PCDHA11: variants seen among roughly 807,000 people sequenced by gnomAD.
PCDHA11 encodes the protein protocadherin alpha-11.
A neutral mutation model predicts 70.3 loss-of-function variants in PCDHA11; 61 were observed. That is an observed-to-expected ratio of 0.87 (90% CI 0.71 to 1.07). PCDHA11 has a LOEUF of 1.07. Among genes scored for constraint, PCDHA11 ranks in the 50% least tolerant of loss-of-function variants. The probability of loss-of-function intolerance (pLI) is 0.00; values close to 1 mark genes in which losing one functional copy is unlikely to be tolerated. For missense variants in PCDHA11, 1,324 were observed against 1,237.5 expected (o/e 1.07, Z -1.05); for synonymous variants, 633 against 555.1 (o/e 1.14, Z -1.97).
At chr5:140,881,785 C>A (rs2058831561) in intron 1 of PCDHA11, among the ~76,000 whole-genome samples, 1 of 152,202 alleles carries the variant, frequency 6.6e-6, no homozygotes, top group South Asian at 2.1e-4. Context: ...AACTACCGAT[C>A]AATTGTCCCA....
intron 3 of PCDHA11, chr5:140,989,125 T>G (rs2097330563): frequency 6.6e-6 from 1 of 152,152 alleles, no homozygotes; most frequent in Non-Finnish European, 1.5e-5. Context: ...CTTAGAAAAA[T>G]AAGACACTTT....
In PCDHA11 at chr5:141,002,285, A is replaced by C. The variant is rs2098070605; in HGVS notation, c.2540-7342A>C. On this transcript the variant is annotated intron_variant, in intron 3 of 3. Coordinates refer to ENST00000398640, the MANE Select transcript of PCDHA11 (RefSeq NM_018902.5). ...CCCAGAGCTGGTAACAAAGGGATGA[A>C]TGGGGAGCAAAGGGGCGGGGCCGAA... 4.6e-5 allele frequency among the ~76,000 whole-genome samples: 7 copies of C among 152,158 alleles called. No individual in the cohort carries two copies. In the South Asian group the frequency reaches 1.4e-3, roughly 31 times the overall value.
intron 1 of PCDHA11, among the ~76,000 whole-genome samples, chr5:140,888,197 C>G (rs190439070): frequency 4.6e-5 from 7 of 152,044 alleles, no homozygotes; most frequent in Non-Finnish European, 8.8e-5. Flanking sequence ...TTTACATTGT[C>G]GGATGCTGGA....
chr5:140,932,373 A>T (rs927239233), intron 1 of PCDHA11, among the ~76,000 whole-genome samples: 1 of 151,942 alleles, frequency 6.6e-6, no homozygotes, highest in Non-Finnish European at 1.5e-5. Flanking sequence ...AAATTTCCAC[A>T]TGAAAGTTAT....
intron 3 of PCDHA11, among the ~76,000 whole-genome samples, chr5:141,007,395 C>CAAAAAAAAAAAAAAAA (rs35800918): frequency 3.2e-5 from 3 of 94,864 alleles, no homozygotes; most frequent in Non-Finnish European, 4.1e-5. Flanking sequence ...TACTAAAATA[C>CAAAAAAAAAAAAAAAA]AAAAAAAAAA....
intron 1 of PCDHA11, chr5:140,928,001 A>T (rs1252162846): frequency 6.2e-7 from 1 of 1,614,034 alleles, no homozygotes; most frequent in Non-Finnish European, 8.5e-7. Flanking sequence ...GAAGACCTCG[A>T]TTCTAATGGT....
intron 1 of PCDHA11, chr5:140,875,646 G>T (rs781973102): frequency 6.2e-7 from 1 of 1,613,722 alleles, no homozygotes; most frequent in Non-Finnish European, 8.5e-7. Context: ...AGCTGGCGGA[G>T]CTGGTGCCGC....
At chr5:140,957,109 T>C (rs2095334016) in intron 1 of PCDHA11, among the ~76,000 whole-genome samples, 1 of 152,174 alleles carries the variant, frequency 6.6e-6, no homozygotes, top group Non-Finnish European at 1.5e-5. Context: ...ATGGACATGA[T>C]TCTGTGTGTT....
chr5:140,967,379 A>G (rs1554229509), intron 1 of PCDHA11: 2 of 1,608,268 alleles, frequency 1.2e-6, no homozygotes, highest in East Asian at 2.2e-5. Flanking sequence ...GGAGAACAGT[A>G]AAGTGCTTGA....
chr5:140,967,276 G>C, intron 1 of PCDHA11: 2 of 1,613,398 alleles, frequency 1.2e-6, no homozygotes. Context: ...TTCACATAGA[G>C]AGTGCGCAGG....
Position 141,009,632 on chromosome 5 carries a change from G to A in PCDHA11, c.2545G>A (p.Glu849Lys). 1 of 1,613,032 alleles carries A rather than the reference G, an allele frequency of 6.2e-7. No individual in the cohort carries two copies. Among genetic ancestry groups the A allele is most frequent in the Non-Finnish European group, 8.5e-7 (1 of 1,179,354 alleles). The change falls in exon 4 of 4, where the codon GAG (glutamate) becomes AAG (lysine). Residue 849 changes from glutamate to lysine, a missense_variant. Transcript: ENST00000398640. The stretch of plus-strand genomic sequence containing the variant: ...TGTAATGTTTTGTCTTTCAGAACCA[G>A]AGGCAGGAGAAGTGTCCCCTCCAGT... ...PTVSSATPEP[E>K]AGEVSPPVGA...
chr5:141,001,378 C>T (rs889628264), intron 3 of PCDHA11, among the ~76,000 whole-genome samples: 20 of 152,166 alleles, frequency 1.3e-4, no homozygotes, highest in African/African-American at 4.8e-4. Flanking sequence ...GATTACAGAG[C>T]CTAAGATCCT....
chr5:140,903,279 A>C (rs940299316), intron 1 of PCDHA11, among the ~76,000 whole-genome samples: 1 of 152,170 alleles, frequency 6.6e-6, no homozygotes, highest in East Asian at 1.9e-4. Flanking sequence ...GTAGTGTCTC[A>C]TTGTGCATTA....
chr5:140,936,270 T>C (rs1367001317), intron 1 of PCDHA11, among the ~76,000 whole-genome samples: 1 of 152,226 alleles, frequency 6.6e-6, no homozygotes, highest in African/African-American at 2.4e-5. Flanking sequence ...GAAGATATAT[T>C]CCTGTGTTTT....
At chr5:140,978,716 T>C (rs1317618418) in intron 1 of PCDHA11, among the ~76,000 whole-genome samples, 2 of 152,252 alleles carry the variant, frequency 1.3e-5, no homozygotes, top group African/African-American at 4.8e-5. Flanking sequence ...CTTTACAAGA[T>C]TATTAAATCT....
chr5:140,923,033 A>T (rs6895136), intron 1 of PCDHA11, among the ~76,000 whole-genome samples: 8,640 of 152,308 alleles, frequency 0.057, 727 homozygotes, highest in African/African-American at 0.19. Flanking sequence ...CTCTATTACT[A>T]CATGTATAGT....
chr5:140,894,113 G>C (rs1239376474), intron 1 of PCDHA11, among the ~76,000 whole-genome samples: 1 of 152,072 alleles, frequency 6.6e-6, no homozygotes, highest in Non-Finnish European at 1.5e-5. Context: ...TTGCAGATGA[G>C]AAGTTTCAAA....
At chr5:140,964,771 A>C (rs2095853520) in intron 1 of PCDHA11, among the ~76,000 whole-genome samples, 1 of 152,022 alleles carries the variant, frequency 6.6e-6, no homozygotes, top group South Asian at 2.1e-4. Context: ...GGATGCAGAG[A>C]GAAGAGGAAG....
chr5:140,974,116 G>T (rs2096616118), intron 1 of PCDHA11, among the ~76,000 whole-genome samples: 1 of 152,192 alleles, frequency 6.6e-6, no homozygotes. Context: ...TTCTTTTGCA[G>T]TGTTTTAAAT....
Sources: gnomAD v4.1 joint callset for allele counts (sites outside exome capture counted in the v4.1 genomes callset) on GRCh38, gnomAD v4.1.1 for gene constraint, MANE v1.5 for transcripts, NCBI Gene and HGNC (gene_info 2026-07-23, HGNC 2026-07-21) for gene names.